The following SLC24A2 variants were observed in gnomAD, a reference collection of about 807,000 sequenced individuals.
SLC24A2 encodes sodium/potassium/calcium exchanger 2.
In SLC24A2, 36 loss-of-function variants were observed where a neutral mutation model predicts 62.0. The ratio of observed to expected loss-of-function variants is 0.58; its 90% CI spans 0.44 to 0.77. The LOEUF (loss-of-function observed/expected upper bound fraction) is 0.77, where lower values mean the gene tolerates loss of function less well. Ranked by LOEUF, SLC24A2 falls within the 30% of genes least tolerant of loss-of-function variation. SLC24A2 has a pLI of 0.00. For missense variants in SLC24A2, 846 were observed against 817.9 expected, an observed-to-expected ratio of 1.03 and a Z score of -0.42; for synonymous variants, 358 against 294.0, an observed-to-expected ratio of 1.22 and a Z score of -2.23.
At chr9:19,920,425 G>A in the SLC24A2 span, among the ~76,000 whole-genome samples, 1 of 152,174 alleles carries the variant, frequency 6.6e-6, no homozygotes, top group Non-Finnish European at 1.5e-5. Context: ...GAGTCCCCCA[G>A]ATGTAGACCC....
In SLC24A2 at chr9:19,660,284, G is replaced by A. The variant is rs1267431718; in HGVS notation, c.931-37985C>T. On this transcript the variant is annotated intron_variant, in intron 2 of 10. Transcript: ENST00000341998. The stretch of plus-strand genomic sequence containing the variant: ...TGACTCATTCATATAAGCAGGTATG[G>A]GTGAAGGGGCGGGAGGCTCTAAGTG... Among the ~76,000 whole-genome samples, 7 of 152,276 alleles carry A rather than the reference G, an allele frequency of 4.6e-5. No homozygotes were observed. The South Asian group carries it at 8.3e-4, about 18-fold the overall frequency.
the SLC24A2 span, among the ~76,000 whole-genome samples, chr9:20,115,601 CT>C: frequency 6.6e-6 from 1 of 152,136 alleles, no homozygotes; most frequent in Non-Finnish European, 1.5e-5. Flanking sequence ...ACACGTCAAA[CT>C]TGATTTCTTA....
At chr9:19,761,061 TA>T (rs1230804859) in intron 2 of SLC24A2, among the ~76,000 whole-genome samples, 2 of 152,098 alleles carry the variant, frequency 1.3e-5, no homozygotes, top group African/African-American at 4.8e-5. Flanking sequence ...TAAAGTATAA[TA>T]AAAAAATAAA....
intron 3 of SLC24A2, among the ~76,000 whole-genome samples, chr9:19,621,181 G>A (rs1817899804): frequency 6.6e-6 from 1 of 152,324 alleles, no homozygotes; most frequent in South Asian, 2.1e-4. Context: ...AGACAAACAT[G>A]AAACCCGTAG....
At chr9:20,049,463 G>A in the SLC24A2 span, among the ~76,000 whole-genome samples, 1 of 151,996 alleles carries the variant, frequency 6.6e-6, no homozygotes, top group Non-Finnish European at 1.5e-5. Flanking sequence ...ATGTGGATAG[G>A]AAGCCACAGT....
At chr9:19,836,808 A>C in the SLC24A2 span, among the ~76,000 whole-genome samples, 2 of 152,212 alleles carry the variant, frequency 1.3e-5, no homozygotes, top group Non-Finnish European at 2.9e-5. Flanking sequence ...TCCTTGATGA[A>C]CATTGATGCA....
At chr9:20,047,077 G>C in the SLC24A2 span, among the ~76,000 whole-genome samples, 2 of 152,066 alleles carry the variant, frequency 1.3e-5, no homozygotes, top group South Asian at 4.1e-4. Context: ...GCCGGGTTCA[G>C]CAATAGCCTA....
chr9:19,985,491 C>G, the SLC24A2 span, among the ~76,000 whole-genome samples: 1 of 152,056 alleles, frequency 6.6e-6, no homozygotes, highest in Admixed American at 6.6e-5. Flanking sequence ...ACACTATGTA[C>G]TATATTATTT....
At chr9:19,847,232 A>G in the SLC24A2 span, among the ~76,000 whole-genome samples, 3 of 152,186 alleles carry the variant, frequency 2.0e-5, no homozygotes, top group Non-Finnish European at 2.9e-5. Flanking sequence ...TTTTAATAAA[A>G]CTTCTGTTTA....
chr9:19,882,065 A>G, the SLC24A2 span, among the ~76,000 whole-genome samples: 1 of 152,216 alleles, frequency 6.6e-6, no homozygotes, highest in Admixed American at 6.5e-5. Context: ...ACACCACCAT[A>G]TTAATCTGTC....
chr9:19,550,347 A>T, intron 7 of SLC24A2, 79 bp from the exon 8 acceptor site: 1 of 1,432,902 alleles, frequency 7.0e-7, no homozygotes, highest in Non-Finnish European at 9.8e-7. Flanking sequence ...GCACAGAACA[A>T]AGGGGAAGCT....
At chr9:19,932,181 T>C in the SLC24A2 span, among the ~76,000 whole-genome samples, 12 of 152,170 alleles carry the variant, frequency 7.9e-5, no homozygotes, top group Non-Finnish European at 1.6e-4. Flanking sequence ...ACCATTTAAA[T>C]AGTCAAAGTT....
chr9:19,900,871 A>G, the SLC24A2 span, among the ~76,000 whole-genome samples: 75 of 152,318 alleles, frequency 4.9e-4, 1 homozygote, highest in South Asian at 0.014. Flanking sequence ...GAGGAGAGAA[A>G]GGAATGGAAA....
At chr9:19,596,539 G>A (rs1034542703) in intron 5 of SLC24A2, among the ~76,000 whole-genome samples, 1 of 152,168 alleles carries the variant, frequency 6.6e-6, no homozygotes, top group Non-Finnish European at 1.5e-5. Flanking sequence ...CCTGGGACAA[G>A]GCTATGTTCT....
At chr9:20,032,986 C>T in the SLC24A2 span, among the ~76,000 whole-genome samples, 1 of 152,136 alleles carries the variant, frequency 6.6e-6, no homozygotes, top group Non-Finnish European at 1.5e-5. Context: ...GTCAAAAATA[C>T]CTTGGTGAAT....
chr9:19,919,872 C>A, the SLC24A2 span, among the ~76,000 whole-genome samples: 1 of 152,172 alleles, frequency 6.6e-6, no homozygotes. Context: ...TTACCTCCCA[C>A]CGGGTCCCTG....
At chr9:20,296,001 G>T in the SLC24A2 span, among the ~76,000 whole-genome samples, 1 of 152,102 alleles carries the variant, frequency 6.6e-6, no homozygotes, top group Non-Finnish European at 1.5e-5. Flanking sequence ...CTTTCTTACT[G>T]CATTCCTTAC....
At chr9:20,093,968 A>T in the SLC24A2 span, among the ~76,000 whole-genome samples, 3 of 152,190 alleles carry the variant, frequency 2.0e-5, no homozygotes, top group Non-Finnish European at 4.4e-5. Flanking sequence ...AAATTAAAAT[A>T]AATTAAAATT....
At chr9:20,102,896 T>C in the SLC24A2 span, among the ~76,000 whole-genome samples, 2 of 152,130 alleles carry the variant, frequency 1.3e-5, no homozygotes, top group South Asian at 2.1e-4. Context: ...GAGCAAGGCA[T>C]TGCCTCACTC....
Sources: allele counts gnomAD v4.1 joint callset (sites outside exome capture counted in the v4.1 genomes callset), GRCh38; gene constraint gnomAD v4.1.1; transcripts MANE v1.5; gene names NCBI Gene and HGNC (gene_info 2026-07-23, HGNC 2026-07-21).